Variants in ENTREP2 observed in about 807,000 individuals in gnomAD.
The protein encoded by ENTREP2 is protein ENTREP2.
chr15:29,123,527 G>A, the ENTREP2 span: 35 of 1,551,750 alleles, frequency 2.3e-5, no homozygotes, highest in Middle Eastern at 1.7e-4. Context: ...ACTAAAGAGC[G>A]TGGCCGCTCT....
chr15:29,406,891 A>G, the ENTREP2 span, among the ~76,000 whole-genome samples: 1 of 152,226 alleles, frequency 6.6e-6, no homozygotes, highest in Non-Finnish European at 1.5e-5. Flanking sequence ...TTCAGCATTC[A>G]GTATTGGCAT....
the ENTREP2 span, among the ~76,000 whole-genome samples, chr15:29,124,186 G>A: frequency 3.9e-5 from 6 of 152,196 alleles, no homozygotes; most frequent in African/African-American, 1.4e-4. Flanking sequence ...TCCCCACAGA[G>A]CTGACAGCCT....
At chr15:29,260,751 C>CAT in the ENTREP2 span, among the ~76,000 whole-genome samples, 91,031 of 151,686 alleles carry the variant, frequency 0.6, 27,297 homozygotes, top group South Asian at 0.64. Context: ...TCTACTTTCA[C>CAT]GTTTGAAATT....
the ENTREP2 span, among the ~76,000 whole-genome samples, chr15:29,264,683 C>T: frequency 6.6e-6 from 1 of 152,204 alleles, no homozygotes; most frequent in South Asian, 2.1e-4. Context: ...GAACTACTGG[C>T]AATAGGAAGG....
chr15:29,343,661 G>A, the ENTREP2 span, among the ~76,000 whole-genome samples: 4 of 151,918 alleles, frequency 2.6e-5, no homozygotes, highest in Non-Finnish European at 4.4e-5. Flanking sequence ...TGATTAACAC[G>A]GGAACACTTG....
chr15:29,663,242 G>A, the ENTREP2 span, among the ~76,000 whole-genome samples: 2 of 151,998 alleles, frequency 1.3e-5, no homozygotes, highest in African/African-American at 4.8e-5. Flanking sequence ...GTGGGGTGGC[G>A]GGTGCAGTGG....
the ENTREP2 span, among the ~76,000 whole-genome samples, chr15:29,193,767 G>C: frequency 2.6e-5 from 4 of 152,252 alleles, no homozygotes; most frequent in South Asian, 4.1e-4. Context: ...ATCTGCAAAA[G>C]AGCTACCAGA....
chr15:29,502,367 T>C, the ENTREP2 span, among the ~76,000 whole-genome samples: 1 of 151,828 alleles, frequency 6.6e-6, no homozygotes, highest in Admixed American at 6.6e-5. Flanking sequence ...CAAGAAATGG[T>C]TCTAAAACTA....
chr15:29,405,690 C>G, the ENTREP2 span, among the ~76,000 whole-genome samples: 1 of 152,224 alleles, frequency 6.6e-6, no homozygotes, highest in Non-Finnish European at 1.5e-5. Context: ...TCAGCAGGTC[C>G]TGGGGGCCCA....
At chr15:29,577,963 C>T in the ENTREP2 span, among the ~76,000 whole-genome samples, 1 of 152,200 alleles carries the variant, frequency 6.6e-6, no homozygotes, top group Non-Finnish European at 1.5e-5. Context: ...TTGGTGGGTA[C>T]AGTTTCAATT....
At chr15:29,341,863 G>A in the ENTREP2 span, among the ~76,000 whole-genome samples, 1 of 152,200 alleles carries the variant, frequency 6.6e-6, no homozygotes, top group East Asian at 1.9e-4. Flanking sequence ...ATTGTCAGAT[G>A]AAGTCAGCAG....
At chr15:29,311,689 C>T in the ENTREP2 span, among the ~76,000 whole-genome samples, 2 of 149,958 alleles carry the variant, frequency 1.3e-5, no homozygotes, top group South Asian at 4.2e-4. Flanking sequence ...GACTCCATCC[C>T]CCCCCCAAAA....
the ENTREP2 span, among the ~76,000 whole-genome samples, chr15:29,402,265 T>TATATATATATACACAC: frequency 7.3e-6 from 1 of 137,792 alleles, no homozygotes; most frequent in African/African-American, 2.7e-5. Context: ...TATATATATA[T>TATATATATATACACAC]ACACACACAT....
At chr15:29,674,200 T>A in the ENTREP2 span, among the ~76,000 whole-genome samples, 65 of 136,472 alleles carry the variant, frequency 4.8e-4, no homozygotes, top group African/African-American at 1.7e-3. Flanking sequence ...TATCAACTCC[T>A]CGCTACCCCA....
chr15:29,450,071 C>G, the ENTREP2 span, among the ~76,000 whole-genome samples: 3 of 152,144 alleles, frequency 2.0e-5, no homozygotes, highest in African/African-American at 4.8e-5. Flanking sequence ...TGTTCATGTC[C>G]TTTGCCCACT....
chr15:29,223,746 G>C, the ENTREP2 span, among the ~76,000 whole-genome samples: 45 of 151,884 alleles, frequency 3.0e-4, no homozygotes, highest in African/African-American at 1.1e-3. Context: ...AGCCAGAGAG[G>C]CTGGTTCTGG....
chr15:29,351,914 C>T, the ENTREP2 span, among the ~76,000 whole-genome samples: 1 of 152,082 alleles, frequency 6.6e-6, no homozygotes, highest in Non-Finnish European at 1.5e-5. Flanking sequence ...ACTGGGATTA[C>T]ATGCACGAGC....
the ENTREP2 span, among the ~76,000 whole-genome samples, chr15:29,134,385 G>A: frequency 1.3e-5 from 2 of 152,176 alleles, no homozygotes; most frequent in African/African-American, 4.8e-5. Context: ...CCGGGGCTCA[G>A]GGGGCCACTG....
At chr15:29,605,147 A>G in the ENTREP2 span, among the ~76,000 whole-genome samples, 20 of 152,202 alleles carry the variant, frequency 1.3e-4, no homozygotes, top group Non-Finnish European at 2.6e-4. Context: ...ATCCTCCCCA[A>G]TGAACAAATG....
Sources: gnomAD v4.1 joint callset for allele counts (sites outside exome capture counted in the v4.1 genomes callset) on GRCh38, gnomAD v4.1.1 for gene constraint, MANE v1.5 for transcripts, NCBI Gene and HGNC (gene_info 2026-07-23, HGNC 2026-07-21) for gene names.